Variants in THSD7A observed in about 807,000 individuals in gnomAD.
THSD7A encodes thrombospondin type 1 domain containing 7A, also known as thrombospondin type-1 domain-containing protein 7A.
A neutral mutation model predicts 231.3 loss-of-function variants in THSD7A; 96 were observed. The ratio of observed to expected loss-of-function variants is 0.41; its 90% CI spans 0.35 to 0.49. The LOEUF is 0.49. Ranked by LOEUF, THSD7A falls within the 20% of genes least tolerant of loss-of-function variation. The pLI, the probability that THSD7A is intolerant of heterozygous loss-of-function variation, is 0.05. For missense variants in THSD7A, 2,290 were observed against 2,070.2 expected (o/e 1.11, Z -2.06); for synonymous variants, 940 against 743.3 (o/e 1.26, Z -4.30).
chr7:11,576,971 A>G (rs1187468048), intron 4 of THSD7A, among the ~76,000 whole-genome samples: 2 of 152,196 alleles, frequency 1.3e-5, no homozygotes, highest in Non-Finnish European at 2.9e-5. Context: ...TATGCTTGCA[A>G]TGAGTTTACA....
intron 1 of THSD7A, among the ~76,000 whole-genome samples, chr7:11,769,224 T>C (rs1249763484): frequency 1.4e-5 from 2 of 144,862 alleles, no homozygotes; most frequent in African/African-American, 5.1e-5. Flanking sequence ...CTCAAACTCC[T>C]GACCTCAGGT....
chr7:11,470,085 C>G, intron 8 of THSD7A, 91 bp from the exon 9 acceptor site: 1 of 862,198 alleles, frequency 1.2e-6, no homozygotes, highest in Non-Finnish European at 1.9e-6. Context: ...GGTAAAATTG[C>G]AAAACAAGTC....
intron 1 of THSD7A, among the ~76,000 whole-genome samples, chr7:11,751,626 G>A (rs1782505413): frequency 1.3e-5 from 2 of 151,892 alleles, no homozygotes; most frequent in African/African-American, 4.8e-5. Context: ...TGACCCACCT[G>A]ATCCCATAAC....
intron 4 of THSD7A, among the ~76,000 whole-genome samples, chr7:11,569,713 T>G (rs1031072967): frequency 1.3e-5 from 2 of 152,232 alleles, no homozygotes; most frequent in East Asian, 1.9e-4. Flanking sequence ...AAGGGATACC[T>G]GCATCCCCAT....
chr7:11,399,841 G>A (rs895998710), intron 23 of THSD7A, among the ~76,000 whole-genome samples: 1 of 152,108 alleles, frequency 6.6e-6, no homozygotes, highest in African/African-American at 2.4e-5. Flanking sequence ...AAATCATGCT[G>A]CTATAAAGAC....
rs1336007706 is a variant in THSD7A, at chr7:11,474,849, T to A, written c.2018-281A>T. Among the ~76,000 whole-genome samples, 1 of 152,054 alleles carries A rather than the reference T, an allele frequency of 6.6e-6. No individual in the cohort carries two copies. The highest frequency in any genetic ancestry group is 1.5e-5 in the Non-Finnish European group (1 of 68,006). On this transcript the variant is annotated intron_variant, in intron 7 of 27. Transcript: ENST00000423059. This position sits in a 1 kb window ranked among gnomAD's most constrained non-coding sequence, Gnocchi z 4.1. ...ATAATTCTAGATAGAATGAAATAAT[T>A]ATATTGTGCGGTATTTAGTATAACT...
intron 4 of THSD7A, among the ~76,000 whole-genome samples, chr7:11,577,275 A>G (rs539834103): frequency 1.9e-4 from 28 of 150,038 alleles, no homozygotes; most frequent in Admixed American, 1.7e-3. Context: ...GATCTAGCTG[A>G]GCACATATAA....
chr7:11,733,768 C>T (rs933150669), intron 1 of THSD7A, among the ~76,000 whole-genome samples: 15 of 151,892 alleles, frequency 9.9e-5, no homozygotes, highest in Admixed American at 9.2e-4. Flanking sequence ...TCACAAACAT[C>T]TCAAGCAGTG....
At chr7:11,750,744 G>C (rs899636780) in intron 1 of THSD7A, among the ~76,000 whole-genome samples, 3 of 152,018 alleles carry the variant, frequency 2.0e-5, no homozygotes, top group Non-Finnish European at 4.4e-5. Flanking sequence ...AGAGACCTCA[G>C]TAAGACTAGT....
intron 6 of THSD7A, among the ~76,000 whole-genome samples, chr7:11,494,116 ATAT>A (rs1223114453): frequency 1.3e-5 from 2 of 151,992 alleles, no homozygotes; most frequent in Non-Finnish European, 2.9e-5. Flanking sequence ...TAGGCTACAG[ATAT>A]TATATACAAT....
At chr7:11,447,621 C>G (rs1252825155) in intron 11 of THSD7A, among the ~76,000 whole-genome samples, 197 bp from the exon 12 acceptor site, 3 of 151,930 alleles carry the variant, frequency 2.0e-5, no homozygotes, top group African/African-American at 7.2e-5. Flanking sequence ...AACACACAAC[C>G]CTGAGTGATT....
intron 13 of THSD7A, among the ~76,000 whole-genome samples, chr7:11,430,784 T>C (rs1784457069): frequency 1.3e-5 from 2 of 152,182 alleles, no homozygotes; most frequent in South Asian, 2.1e-4. Flanking sequence ...TTTCACTTAG[T>C]ATAATGTTTT....
At chr7:11,600,980 G>A (rs1036322147) in intron 2 of THSD7A, among the ~76,000 whole-genome samples, 1 of 152,150 alleles carries the variant, frequency 6.6e-6, no homozygotes, top group Admixed American at 6.6e-5. Context: ...AAATCCCATT[G>A]CTACTCAGTG....
Position 11,411,339 on chromosome 7 carries a change from CCCATCAGAACAGAAGGCTAAGTAAG to C in THSD7A, c.3683-42_3683-18del, listed in dbSNP as rs1359340201. 14 of 1,553,432 alleles carry C rather than the reference CCCATCAGAACAGAAGGCTAAGTAAG, an allele frequency of 9.0e-6. No homozygotes were observed. Among genetic ancestry groups the C allele is most frequent in the Non-Finnish European group, 1.2e-5 (14 of 1,127,088 alleles). ...TACTCCAGTCTGAAAAAAAGGGAAG[CCCATCAGAACAGAAGGCTAAGTAAG>C]AAACAGATTTCAAATGAAACTCTGA... On this transcript the variant is annotated intron_variant, in intron 18 of 27. Coordinates refer to ENST00000423059, the MANE Select transcript of THSD7A (RefSeq NM_015204.3). The surrounding 1 kb of genome is among the most constrained non-coding windows in gnomAD (Gnocchi z 4.1).
At chr7:11,811,360 C>T (rs1002347881) in intron 1 of THSD7A, among the ~76,000 whole-genome samples, 3 of 152,142 alleles carry the variant, frequency 2.0e-5, no homozygotes, top group East Asian at 1.9e-4. Context: ...AAATGCTTTG[C>T]GTGCTCATGA....
At chr7:11,594,142 G>A (rs573435129) in intron 2 of THSD7A, among the ~76,000 whole-genome samples, 4 of 152,092 alleles carry the variant, frequency 2.6e-5, no homozygotes, top group Non-Finnish European at 5.9e-5. Flanking sequence ...TCTTTCTCCC[G>A]TGCTAGATGC....
chr7:11,797,580 C>T (rs1784162505), intron 1 of THSD7A, among the ~76,000 whole-genome samples: 1 of 151,882 alleles, frequency 6.6e-6, no homozygotes, highest in Non-Finnish European at 1.5e-5. Context: ...CCATGTCTGA[C>T]TAATTTTTTT....
chr7:11,788,787 A>G (rs1783865800), intron 1 of THSD7A, among the ~76,000 whole-genome samples: 1 of 152,062 alleles, frequency 6.6e-6, no homozygotes, highest in Admixed American at 6.6e-5. Context: ...GGACAATAAT[A>G]TAATCAAACA....
intron 23 of THSD7A, among the ~76,000 whole-genome samples, 171 bp from the exon 24 acceptor site, chr7:11,382,787 A>G (rs1342313456): frequency 2.0e-5 from 3 of 152,068 alleles, no homozygotes; most frequent in African/African-American, 7.2e-5. Flanking sequence ...TTGCAGCTAT[A>G]TACCTCAATC....
Sources: gnomAD v4.1 joint callset for allele counts (sites outside exome capture counted in the v4.1 genomes callset) on GRCh38, gnomAD v4.1.1 for gene constraint, Gnocchi (gnomAD v3.1) non-coding constraint, MANE v1.5 for transcripts, NCBI Gene and HGNC (gene_info 2026-07-23, HGNC 2026-07-21) for gene names.